Variants in PCDHA12 observed in about 807,000 individuals in gnomAD.
PCDHA12 encodes the protein protocadherin alpha 12.
A neutral mutation model predicts 60.0 loss-of-function variants in PCDHA12; 44 were observed. The ratio of observed to expected loss-of-function variants is 0.73; its 90% CI spans 0.58 to 0.94. The LOEUF is 0.94. Among genes scored for constraint, PCDHA12 ranks in the 40% least tolerant of loss-of-function variants. The probability of loss-of-function intolerance (pLI) is 0.00; values close to 1 mark genes in which losing one functional copy is unlikely to be tolerated. For synonymous variants in PCDHA12, 569 were observed against 553.0 expected, an observed-to-expected ratio of 1.03 and a Z score of -0.40; for missense variants, 1,276 against 1,239.7, an observed-to-expected ratio of 1.03 and a Z score of -0.44.
chr5:140,926,665 G>C, intron 1 of PCDHA12: 1 of 538,906 alleles, frequency 1.9e-6, no homozygotes, highest in Non-Finnish European at 2.9e-6. Context: ...TTTCCCAGAC[G>C]GCTGCCCAGC....
chr5:140,935,996 G>A (rs145363850), intron 1 of PCDHA12, among the ~76,000 whole-genome samples: 2 of 150,844 alleles, frequency 1.3e-5, no homozygotes, highest in African/African-American at 4.9e-5. Context: ...GGGTTCAAGC[G>A]ATTCTCCCAC....
chr5:140,959,876 G>A (rs1335764869), intron 1 of PCDHA12, among the ~76,000 whole-genome samples: 1 of 152,134 alleles, frequency 6.6e-6, no homozygotes. Context: ...ATCTGTCAAG[G>A]AATACACGAG....
chr5:140,955,001 A>G (rs551398126), intron 1 of PCDHA12, among the ~76,000 whole-genome samples: 101 of 152,200 alleles, frequency 6.6e-4, no homozygotes, highest in Middle Eastern at 6.8e-3. Flanking sequence ...TGGCTAGCCA[A>G]TTCTCCCAGC....
intron 3 of PCDHA12, among the ~76,000 whole-genome samples, chr5:140,996,991 T>C (rs191353108): frequency 1.6e-4 from 25 of 152,346 alleles, no homozygotes; most frequent in African/African-American, 5.3e-4. Flanking sequence ...GCAACCACTG[T>C]TAACAATTTT....
intron 3 of PCDHA12, among the ~76,000 whole-genome samples, chr5:140,997,463 C>A (rs2097770932): frequency 6.6e-6 from 1 of 152,198 alleles, no homozygotes; most frequent in Admixed American, 6.5e-5. Context: ...ATACTGTAGG[C>A]AATTTTTACA....
chr5:140,934,625 A>G (rs1554210030), intron 1 of PCDHA12, among the ~76,000 whole-genome samples: 1 of 152,116 alleles, frequency 6.6e-6, no homozygotes, highest in Non-Finnish European at 1.5e-5. Context: ...GGTACAGTTC[A>G]CACAGGAAAG....
At chr5:140,996,173 A>G (rs2097715399) in intron 3 of PCDHA12, among the ~76,000 whole-genome samples, 1 of 152,236 alleles carries the variant, frequency 6.6e-6, no homozygotes, top group Non-Finnish European at 1.5e-5. Flanking sequence ...ATGTGCTGAC[A>G]GCACCTCCAT....
At position 140,877,776 on chromosome 5, in the gene PCDHA12, C is replaced by A. The variant is rs2057336039; in HGVS notation, c.2304C>A (p.Asp768Glu). ...VCSAESPPKT[D>E]LMAFSPSLQL... ...CTGCAGAGAGCCCGCCCAAGACGGA[C>A]CTCATGGCCTTCAGCCCAAGCCTTC... The change falls in exon 1 of 4, where the codon GAC (aspartate) becomes GAA (glutamate). Residue 768 changes from aspartate (D) to glutamate (E), a missense_variant. By Grantham distance (45) the Asp-to-Glu change is conservative. Coordinates refer to ENST00000398631, the MANE Select transcript of PCDHA12 (RefSeq NM_018903.4). 3 of 1,614,032 alleles carry A rather than the reference C, an allele frequency of 1.9e-6. No individual in the cohort carries two copies. The highest frequency in any genetic ancestry group is 1.1e-5 in the South Asian group (1 of 91,084).
At chr5:140,898,383 G>A (rs1416953064) in intron 1 of PCDHA12, among the ~76,000 whole-genome samples, 1 of 152,164 alleles carries the variant, frequency 6.6e-6, no homozygotes, top group South Asian at 2.1e-4. Flanking sequence ...GTAAGGAAGG[G>A]ATCCAGTTTC....
chr5:140,968,587 C>T (rs1554230892), intron 1 of PCDHA12: 8 of 1,614,196 alleles, frequency 5.0e-6, no homozygotes, highest in Non-Finnish European at 6.8e-6. Context: ...TCACCAAAGT[C>T]ATAGCTATGG....
At chr5:140,884,020 G>A (rs61734917) in intron 1 of PCDHA12, 5 of 1,613,174 alleles carry the variant, frequency 3.1e-6, no homozygotes, top group East Asian at 2.2e-5. Flanking sequence ...TGCCGCGGTC[G>A]GTGGGTGCAG....
Position 140,876,165 on chromosome 5 carries a change from C to T in PCDHA12, c.693C>T (p.Thr231=), listed in dbSNP as rs782073467. ...CAGGGTCTGTCCAGATTCAAATAAC[C>T]GTCCTGGATGTGAATGACAATGGTC... ...ELTGSVQIQI[T]VLDVNDNGPA... The change falls in exon 1 of 4, where the codon ACC becomes ACT. Residue 231 remains threonine (T), a synonymous_variant. Coordinates refer to ENST00000398631, the MANE Select transcript of PCDHA12 (RefSeq NM_018903.4). The T allele has an allele frequency of 2.5e-6, 4 of 1,613,944 alleles. No individual in the cohort carries two copies. The highest frequency in any genetic ancestry group is 1.7e-5 in the Admixed American group (1 of 60,024).
chr5:140,876,164 C>T lies in PCDHA12; in HGVS notation c.692C>T (p.Thr231Ile), dbSNP rs1554168313. 1.2e-6 allele frequency: 2 copies of T among 1,613,950 alleles called. No homozygotes were observed. The highest frequency in any genetic ancestry group is 1.1e-5 in the South Asian group (1 of 91,084). ...ACAGGGTCTGTCCAGATTCAAATAACCGTCCTGGATGTGAATGACAATGGT... is the reference window on the plus strand; with the variant it reads ...ACAGGGTCTGTCCAGATTCAAATAATCGTCCTGGATGTGAATGACAATGGT... ...ELTGSVQIQITVLDVNDNGPA... is the reference protein window; with the variant it reads ...ELTGSVQIQIIVLDVNDNGPA... Residue 231 changes from threonine to isoleucine, a missense_variant, in exon 1 of 4, where the codon ACC becomes ATC. Thr to Ile is a moderately conservative substitution (Grantham distance 89). Coordinates refer to ENST00000398631, the MANE Select transcript of PCDHA12 (RefSeq NM_018903.4).
Position 140,877,242 on chromosome 5 carries a change from G to A in PCDHA12, c.1770G>A (p.Val590=). The A allele has an allele frequency of 6.2e-7, 1 of 1,613,732 alleles. No individual in the cohort carries two copies. Among genetic ancestry groups the A allele is most frequent in the Non-Finnish European group, 8.5e-7 (1 of 1,179,762 alleles). ...LVPRSVGAGH[V]VAKVRAVDAD... is the part of the protein sequence containing the mutation. ...CGCGGTCGGTGGGTGCGGGCCACGT[G>A]GTGGCGAAAGTGCGCGCGGTGGACG... Residue 590 remains valine (V), a synonymous_variant, in exon 1 of 4, where the codon GTG becomes GTA. Transcript: ENST00000398631.
At position 140,875,336 on chromosome 5, in the gene PCDHA12, G is replaced by C; in HGVS notation, c.-137G>C. The C allele has an allele frequency of 7.0e-7, 1 of 1,438,564 alleles. No homozygotes were observed. The highest frequency in any genetic ancestry group is 9.1e-7 in the Non-Finnish European group (1 of 1,099,608). 89.1% of individuals were successfully genotyped at this position (1,438,564 alleles called of 1,614,324 possible). On this transcript the variant is annotated 5_prime_UTR_variant, in exon 1 of 4. Coordinates refer to ENST00000398631, the MANE Select transcript of PCDHA12 (RefSeq NM_018903.4). The stretch of plus-strand genomic sequence containing the variant: ...TTCCAATCATTCACGGAATAGGATC[G>C]ACTCCATAATGACTGTGATGCTGGA...
intron 3 of PCDHA12, among the ~76,000 whole-genome samples, chr5:140,984,413 CAGAGAT>C (rs1244237847): frequency 1.3e-5 from 2 of 152,148 alleles, no homozygotes; most frequent in African/African-American, 4.8e-5. Context: ...ATCTTTTTTA[CAGAGAT>C]AGAGAAGGGG....
Position 140,877,764 on chromosome 5 carries a change from G to A in PCDHA12, c.2292G>A (p.Pro764=). 2 of 1,614,160 alleles carry A rather than the reference G, an allele frequency of 1.2e-6. No individual in the cohort carries two copies. Among genetic ancestry groups the A allele is most frequent in the Non-Finnish European group, 1.7e-6 (2 of 1,180,032 alleles). The change falls in exon 1 of 4, where the codon CCG becomes CCA. Residue 764 remains proline (P), a synonymous_variant. Transcript: ENST00000398631. ...AGAGGGTGTGCTCTGCAGAGAGCCC[G>A]CCCAAGACGGACCTCATGGCCTTCA... is the stretch of plus-strand genomic sequence containing the variant. ...RRQRVCSAES[P]PKTDLMAFSP...
At chr5:140,951,986 C>A (rs2094668313) in intron 1 of PCDHA12, among the ~76,000 whole-genome samples, 2 of 152,166 alleles carry the variant, frequency 1.3e-5, no homozygotes, top group African/African-American at 4.8e-5. Flanking sequence ...AAGGGAAAAA[C>A]CAGCCAAAAG....
chr5:141,001,448 G>A (rs1465333650), intron 3 of PCDHA12, among the ~76,000 whole-genome samples: 1 of 152,190 alleles, frequency 6.6e-6, no homozygotes, highest in Non-Finnish European at 1.5e-5. Context: ...TCTTTCCACT[G>A]TCAATTGAAG....
Sources: gnomAD v4.1 joint callset for allele counts (sites outside exome capture counted in the v4.1 genomes callset) on GRCh38, gnomAD v4.1.1 for gene constraint, MANE v1.5 for transcripts, NCBI Gene and HGNC (gene_info 2026-07-23, HGNC 2026-07-21) for gene names.